Variants in ZBTB7C observed in about 807,000 individuals in gnomAD.
ZBTB7C encodes zinc finger and BTB domain-containing protein 7C.
In ZBTB7C, 8 loss-of-function variants were observed where a neutral mutation model predicts 25.7. The ratio of observed to expected loss-of-function variants is 0.31; its 90% CI spans 0.18 to 0.56. The LOEUF (loss-of-function observed/expected upper bound fraction) is 0.56, where lower values mean the gene tolerates loss of function less well. ZBTB7C is among the 20% of genes least tolerant of loss of function. The pLI is 0.91. For synonymous variants in ZBTB7C, 394 were observed against 369.0 expected, an observed-to-expected ratio of 1.07 and a Z score of -0.78; for missense variants, 824 against 855.2, an observed-to-expected ratio of 0.96 and a Z score of 0.46.
chr18:48,053,209 C>A (rs554822885), intron 3 of ZBTB7C, among the ~76,000 whole-genome samples: 1 of 152,322 alleles, frequency 6.6e-6, no homozygotes, highest in Non-Finnish European at 1.5e-5. Context: ...CTTCCCATCG[C>A]CCCTACAGTG....
intron 1 of ZBTB7C, among the ~76,000 whole-genome samples, chr18:48,369,671 TA>T (rs2047340536): frequency 6.6e-6 from 1 of 152,160 alleles, no homozygotes; most frequent in Non-Finnish European, 1.5e-5. Flanking sequence ...TGTATAATGA[TA>T]AAATGGTCAA....
intron 2 of ZBTB7C, among the ~76,000 whole-genome samples, chr18:48,240,313 G>C (rs1010414030): frequency 6.6e-6 from 1 of 152,084 alleles, no homozygotes; most frequent in Non-Finnish European, 1.5e-5. Flanking sequence ...AAACATTCCT[G>C]GCCTTGCAGA....
At chr18:48,104,541 TTGTA>T (rs59450489) in intron 3 of ZBTB7C, among the ~76,000 whole-genome samples, 22,102 of 151,780 alleles carry the variant, frequency 0.15, 2,670 homozygotes, top group African/African-American at 0.32. Context: ...CTCAGTAAAG[TTGTA>T]TGTATGTATG....
intron 1 of ZBTB7C, among the ~76,000 whole-genome samples, chr18:48,407,674 T>C (rs949527716): frequency 2.0e-5 from 3 of 152,190 alleles, no homozygotes; most frequent in Admixed American, 2.0e-4. Context: ...GTAAAATGAG[T>C]GCTCCTAATA....
intron 2 of ZBTB7C, among the ~76,000 whole-genome samples, chr18:48,219,368 G>A (rs4940339): frequency 0.18 from 26,992 of 152,134 alleles, 2,576 homozygotes; most frequent in Non-Finnish European, 0.21. Flanking sequence ...ACTAACATCT[G>A]ATGAGAACTG....
At chr18:48,149,896 C>T (rs900092349) in intron 3 of ZBTB7C, 8 of 150,748 alleles carry the variant, frequency 5.3e-5, no homozygotes, top group African/African-American at 1.7e-4. Context: ...CTCCACCTTC[C>T]GGGTTCCAGT....
At chr18:48,199,113 A>AT (rs2042379532) in intron 2 of ZBTB7C, among the ~76,000 whole-genome samples, 1 of 152,168 alleles carries the variant, frequency 6.6e-6, no homozygotes, top group Non-Finnish European at 1.5e-5. Flanking sequence ...CTGTGTTCCG[A>AT]TTTTTGCAGG....
At chr18:48,322,105 G>A (rs1397663687) in intron 2 of ZBTB7C, among the ~76,000 whole-genome samples, 2 of 152,168 alleles carry the variant, frequency 1.3e-5, no homozygotes, top group Non-Finnish European at 2.9e-5. Context: ...TTTCCCTAGA[G>A]AGAGGCTTCC....
intron 3 of ZBTB7C, among the ~76,000 whole-genome samples, chr18:48,153,546 A>G (rs1240452902): frequency 6.6e-6 from 1 of 152,250 alleles, no homozygotes. Flanking sequence ...AAGGGAAGCA[A>G]GGAAGAAGGG....
intron 2 of ZBTB7C, among the ~76,000 whole-genome samples, chr18:48,296,183 C>T (rs1253026289): frequency 1.1e-4 from 16 of 152,216 alleles, no homozygotes; most frequent in African/African-American, 3.4e-4. Flanking sequence ...CACCCCCCAC[C>T]ACCTGCTCAG....
At chr18:48,281,214 A>G (rs1469119582) in intron 2 of ZBTB7C, among the ~76,000 whole-genome samples, 1 of 152,136 alleles carries the variant, frequency 6.6e-6, no homozygotes, top group Non-Finnish European at 1.5e-5. Flanking sequence ...TGGGGAAAGG[A>G]GTCCCTATTT....
chr18:48,115,254 CTT>C (rs755416580), intron 3 of ZBTB7C, among the ~76,000 whole-genome samples: 11 of 143,736 alleles, frequency 7.7e-5, no homozygotes, highest in Admixed American at 6.9e-5. Context: ...CAGAACTTTT[CTT>C]TTTTTTTTTT....
At chr18:48,223,328 A>C (rs2043006672) in intron 2 of ZBTB7C, among the ~76,000 whole-genome samples, 1 of 152,022 alleles carries the variant, frequency 6.6e-6, no homozygotes, top group African/African-American at 2.4e-5. Context: ...CATACCCCTT[A>C]TTCTAATTGT....
chr18:48,369,380 TGAAA>T (rs1352509490), intron 1 of ZBTB7C, among the ~76,000 whole-genome samples: 1 of 151,904 alleles, frequency 6.6e-6, no homozygotes, highest in Non-Finnish European at 1.5e-5. Flanking sequence ...AAAACAGAAA[TGAAA>T]GACAGAGAGA....
chr18:48,049,964 C>T (rs1755134343), intron 3 of ZBTB7C, among the ~76,000 whole-genome samples: 2 of 152,202 alleles, frequency 1.3e-5, no homozygotes, highest in South Asian at 4.1e-4. Context: ...CCAGCCTCCA[C>T]CTCCTCCCAT....
chr18:48,163,517 G>A (rs1043276834), intron 3 of ZBTB7C, among the ~76,000 whole-genome samples: 1 of 152,162 alleles, frequency 6.6e-6, no homozygotes, highest in Non-Finnish European at 1.5e-5. Context: ...CTTAACAGTG[G>A]GACAGGCTCC....
At chr18:48,326,095 C>CTT (rs34725749) in intron 2 of ZBTB7C, among the ~76,000 whole-genome samples, 22,676 of 126,004 alleles carry the variant, frequency 0.18, 3,096 homozygotes, top group East Asian at 0.61. Flanking sequence ...CTACCAACAT[C>CTT]TTTTTTTTTT....
At chr18:48,271,391 C>A (rs949543754) in intron 2 of ZBTB7C, among the ~76,000 whole-genome samples, 12 of 151,700 alleles carry the variant, frequency 7.9e-5, no homozygotes, top group African/African-American at 2.9e-4. Context: ...ACATCATGAT[C>A]AACTACAATT....
intron 1 of ZBTB7C, among the ~76,000 whole-genome samples, chr18:48,392,720 C>A (rs774682969): frequency 6.6e-6 from 1 of 152,198 alleles, no homozygotes; most frequent in Admixed American, 6.5e-5. Context: ...TTGCTCTGGG[C>A]AGCCAAAAAT....
Sources: allele counts gnomAD v4.1 joint callset (sites outside exome capture counted in the v4.1 genomes callset), GRCh38; gene constraint gnomAD v4.1.1; transcripts MANE v1.5; gene names NCBI Gene and HGNC (gene_info 2026-07-23, HGNC 2026-07-21).